SATB2: variants seen among roughly 807,000 people sequenced by gnomAD.
The protein encoded by SATB2 is DNA-binding protein SATB2.
Under a neutral mutation model 73.4 loss-of-function variants are expected in SATB2, and 1 was observed. That is an observed-to-expected ratio of 0.01 (90% confidence interval 0.00 to 0.06). The LOEUF (loss-of-function observed/expected upper bound fraction) is 0.06, where lower values mean the gene tolerates loss of function less well. Among genes scored for constraint, SATB2 ranks in the 10% least tolerant of loss-of-function variants. SATB2 has a pLI of 1.00. For synonymous variants in SATB2, 397 were observed against 367.0 expected (o/e 1.08, Z -0.93); for missense variants, 459 against 945.8 (o/e 0.49, Z 6.75).
chr2:199,325,166 T>A (rs1203369927), intron 8 of SATB2: 1 of 152,180 alleles, frequency 6.6e-6, no homozygotes, highest in Non-Finnish European at 1.5e-5. Context: ...CTCATACTAT[T>A]TTCTAATTAC....
chr2:199,375,891 T>A (rs1342640151), intron 5 of SATB2, among the ~76,000 whole-genome samples: 1 of 152,198 alleles, frequency 6.6e-6, no homozygotes, highest in Non-Finnish European at 1.5e-5. Flanking sequence ...GGAATGCTGG[T>A]GGAAATATAC....
intron 7 of SATB2, among the ~76,000 whole-genome samples, chr2:199,342,822 A>G (rs972040192): frequency 6.6e-6 from 1 of 152,220 alleles, no homozygotes; most frequent in African/African-American, 2.4e-5. Context: ...TACATTTTAT[A>G]TTCTTAAAAG....
At position 199,377,990 on chromosome 2, in the gene SATB2, G is replaced by T. The variant is rs79238662; in HGVS notation, c.597+2374C>A. Among the ~76,000 whole-genome samples, 199 of 151,996 alleles carry T rather than the reference G, an allele frequency of 1.3e-3. 2 individuals are homozygous for T. The East Asian group carries it at 0.035, about 27-fold the overall frequency. ...GGGTTAAAGATGATCTCATTTGAAC[G>T]TCAAGACAACCCTCCGAACTATGTG... is the stretch of plus-strand genomic sequence containing the variant. On this transcript the variant is annotated intron_variant, in intron 5 of 10. Transcript: ENST00000417098.
At chr2:199,431,920 T>TG (rs1034537357) in intron 3 of SATB2, among the ~76,000 whole-genome samples, 13 of 152,160 alleles carry the variant, frequency 8.5e-5, no homozygotes, top group African/African-American at 3.1e-4. Context: ...GAAAAGTTTG[T>TG]GGGGGGAAGG....
At chr2:199,294,260 A>T (rs1371751300) in intron 10 of SATB2, among the ~76,000 whole-genome samples, 1 of 152,158 alleles carries the variant, frequency 6.6e-6, no homozygotes, top group Non-Finnish European at 1.5e-5. Flanking sequence ...ATATATAGAG[A>T]TCATCAAAGT....
chr2:199,429,381 A>C (rs1176080411), intron 3 of SATB2, among the ~76,000 whole-genome samples: 3 of 152,214 alleles, frequency 2.0e-5, no homozygotes, highest in Non-Finnish European at 2.9e-5. Flanking sequence ...TATATGTGGA[A>C]TTTTATATCA....
At chr2:199,284,439 A>C (rs548850593) in intron 10 of SATB2, among the ~76,000 whole-genome samples, 8 of 152,334 alleles carry the variant, frequency 5.3e-5, no homozygotes, top group South Asian at 4.1e-4. Context: ...CTCTAGTATC[A>C]AAGAAGAATA....
In SATB2 at chr2:199,449,847, G is replaced by C. The variant is rs1347708911; in HGVS notation, c.169+6022C>G. On this transcript the variant is annotated intron_variant, in intron 2 of 10. Coordinates refer to ENST00000417098, the MANE Select transcript of SATB2 (RefSeq NM_001172509.2). The stretch of plus-strand genomic sequence containing the variant: ...TAATGCTGGAGAGCAGTGTTGATTG[G>C]AAGTGAAAAAAGACCATACAATCAA... Among the ~76,000 whole-genome samples the C allele has an allele frequency of 1.3e-5, 2 of 152,042 alleles. 1 individual carries two copies. Among genetic ancestry groups the C allele is most frequent in the South Asian group, 4.1e-4 (2 of 4,826 alleles).
At chr2:199,303,925 A>G (rs893914003) in intron 10 of SATB2, among the ~76,000 whole-genome samples, 2 of 152,212 alleles carry the variant, frequency 1.3e-5, no homozygotes, top group Non-Finnish European at 2.9e-5. Flanking sequence ...CTGAACTTAC[A>G]AAATAACCCA....
chr2:199,389,367 T>G (rs377353929), intron 3 of SATB2, among the ~76,000 whole-genome samples: 1 of 151,598 alleles, frequency 6.6e-6, no homozygotes, highest in South Asian at 2.1e-4. Context: ...TAAAAGTAAG[T>G]GGAAAATGAA....
intron 9 of SATB2, among the ~76,000 whole-genome samples, chr2:199,309,162 T>G (rs1687524255): frequency 1.3e-5 from 2 of 152,236 alleles, no homozygotes; most frequent in Non-Finnish European, 2.9e-5. Flanking sequence ...ATCTTTCCTC[T>G]TGTTAGATAT....
chr2:199,399,552 C>T (rs1277617483), intron 3 of SATB2, among the ~76,000 whole-genome samples: 5 of 152,160 alleles, frequency 3.3e-5, no homozygotes, highest in Non-Finnish European at 7.4e-5. Context: ...ATACCTGAGA[C>T]TGGGTAATCT....
At position 199,323,725 on chromosome 2, in the gene SATB2, CAG is replaced by C. The variant is rs2105788957; in HGVS notation, c.1542+76_1542+77del. ...ATTACTGTTATTATTATTATAGGAA[CAG>C]ATGTATTTTTATTGGTGGAGGAAGG... On this transcript the variant is annotated intron_variant, in intron 9 of 10. Coordinates refer to ENST00000417098, the MANE Select transcript of SATB2 (RefSeq NM_001172509.2). 2.2e-6 allele frequency: 3 copies of C among 1,351,940 alleles called. No homozygotes were observed. The East Asian group carries it at 6.9e-5, about 31-fold the overall frequency. 83.7% of individuals were successfully genotyped at this position (1,351,940 alleles called of 1,614,324 possible).
Position 199,463,421 on chromosome 2 carries a change from G to A in SATB2, c.-141+1415C>T, listed in dbSNP as rs1692524568. Among the ~76,000 whole-genome samples the A allele has an allele frequency of 6.6e-6, 1 of 152,290 alleles. No individual in the cohort carries two copies. The highest frequency in any genetic ancestry group is 1.9e-4 in the East Asian group (1 of 5,150). On this transcript the variant is annotated intron_variant, in intron 1 of 11. Coordinates refer to the SATB2 transcript ENST00000260926. The surrounding 1 kb of genome is among the most constrained non-coding windows in gnomAD (Gnocchi z 6.4). ...CCCGACCCGCCGCGTTTTCCTTAGGGAAACACCGAGTGAGGCAGAGGATCT... is the reference window on the plus strand; with the variant it reads ...CCCGACCCGCCGCGTTTTCCTTAGGAAAACACCGAGTGAGGCAGAGGATCT...
At chr2:199,468,863 T>A (rs1046245283), upstream of SATB2, 21 of 152,414 alleles carry the variant, frequency 1.4e-4, no homozygotes, top group African/African-American at 4.1e-4. Flanking sequence ...TATCTGCAAA[T>A]ACCCTGATCA....
chr2:199,289,722 T>A (rs1457037515), intron 10 of SATB2, among the ~76,000 whole-genome samples: 1 of 152,188 alleles, frequency 6.6e-6, no homozygotes, highest in Non-Finnish European at 1.5e-5. Flanking sequence ...CGCTCTTGAT[T>A]GGTGCTCCAA....
At chr2:199,363,422 T>C (rs979602411) in intron 6 of SATB2, among the ~76,000 whole-genome samples, 1 of 152,198 alleles carries the variant, frequency 6.6e-6, no homozygotes, top group African/African-American at 2.4e-5. Flanking sequence ...ACGTTCTCAC[T>C]TATATGTGGA....
At chr2:199,409,263 G>C (rs925947631) in intron 3 of SATB2, among the ~76,000 whole-genome samples, 1 of 143,862 alleles carries the variant, frequency 7.0e-6, no homozygotes, top group East Asian at 2.1e-4. Context: ...TCCGCCTCCC[G>C]GGTTCAAGCA....
chr2:199,293,454 AG>A (rs1692932317), intron 10 of SATB2, among the ~76,000 whole-genome samples: 1 of 152,120 alleles, frequency 6.6e-6, no homozygotes, highest in Non-Finnish European at 1.5e-5. Flanking sequence ...CAGGAAAAAA[AG>A]GGGTCTTTCT....
Sources: gnomAD v4.1 joint callset for allele counts (sites outside exome capture counted in the v4.1 genomes callset) on GRCh38, gnomAD v4.1.1 for gene constraint, Gnocchi (gnomAD v3.1) non-coding constraint, MANE v1.5 for transcripts, NCBI Gene and HGNC (gene_info 2026-07-23, HGNC 2026-07-21) for gene names.